STON2: variants seen among roughly 807,000 people sequenced by gnomAD.
STON2 encodes stonin-2.
In STON2, 29 loss-of-function variants were observed where a neutral mutation model predicts 65.7. The observed-to-expected ratio is 0.44, with a 90% CI of 0.33 to 0.60. The LOEUF is 0.60. Among genes scored for constraint, STON2 ranks in the 20% least tolerant of loss-of-function variants. The pLI, the probability that STON2 is intolerant of heterozygous loss-of-function variation, is 0.03. For synonymous variants in STON2, 404 were observed against 414.2 expected (o/e 0.98, Z 0.30); for missense variants, 1,054 against 1,118.1 (o/e 0.94, Z 0.82).
At position 81,277,077 on chromosome 14, in the gene STON2, T is replaced by C. The variant is rs529312848; in HGVS notation, c.2405A>G (p.Glu802Gly). The C allele has an allele frequency of 1.2e-6, 2 of 1,614,076 alleles. No individual in the cohort carries two copies. The highest frequency in any genetic ancestry group is 1.7e-5 in the Admixed American group (1 of 60,002). Residue 802 changes from glutamate (E) to glycine (G), a missense_variant, in exon 6 of 8, where the codon GAA becomes GGA. By Grantham distance (98) the Glu-to-Gly change is moderately conservative (BLOSUM62 -2). Coordinates refer to ENST00000614646, the MANE Select transcript of STON2 (RefSeq NM_001394390.1). Reference protein sequence around the residue: ...PSEWVKNFRRESVLGEKSLKA... With the variant: ...PSEWVKNFRRGSVLGEKSLKA... ...CAAAGACTTTTCCCCCAGGACACTT[T>C]CCCTGCGGAAGTTTTTCACCCACTC... is the stretch of plus-strand genomic sequence containing the variant.
chr14:81,412,584 A>T (rs1901214250), intron 2 of STON2, among the ~76,000 whole-genome samples: 2 of 139,026 alleles, frequency 1.4e-5, no homozygotes, highest in Admixed American at 1.4e-4. Context: ...GGGGCCAGGG[A>T]GGCAGAGAAG....
chr14:81,282,888 A>C (rs1895182108), intron 5 of STON2, among the ~76,000 whole-genome samples: 1 of 152,168 alleles, frequency 6.6e-6, no homozygotes, highest in African/African-American at 2.4e-5. Context: ...AAGCTGGCAA[A>C]TTTCTCCAGT....
chr14:81,283,775 C>T (rs925067199), intron 5 of STON2, among the ~76,000 whole-genome samples: 2 of 152,086 alleles, frequency 1.3e-5, no homozygotes, highest in Non-Finnish European at 2.9e-5. Context: ...ATGATCCGCC[C>T]GCCTCGGCCT....
rs1419682900 is a variant in STON2 at position 81,342,314 on chromosome 14, T to C, written c.572-18127A>G. Among the ~76,000 whole-genome samples the C allele has an allele frequency of 8.5e-5, 13 of 152,060 alleles. No homozygotes were observed. The East Asian group carries it at 2.5e-3, about 29-fold the overall frequency. ...CACGCCCAGCTAATTTTTGTATTTT[T>C]AGTAGAGATGGGGTTTCGCCACATT... On this transcript the variant is annotated intron_variant, in intron 4 of 7. Coordinates refer to ENST00000614646, the MANE Select transcript of STON2 (RefSeq NM_001394390.1).
At position 81,275,733 on chromosome 14, in the gene STON2, C is replaced by T. The variant is rs1894787697; in HGVS notation, c.2581+1168G>A. ...GCATAGCTACACCCAGTGTCTGATA[C>T]AGAATGCCCTGGTGTGTGTCCACTC... On this transcript the variant is annotated intron_variant, in intron 6 of 7. Coordinates refer to ENST00000614646, the MANE Select transcript of STON2 (RefSeq NM_001394390.1). 2.0e-5 allele frequency among the ~76,000 whole-genome samples: 3 copies of T among 152,174 alleles called. 1 individual carries two copies. In the South Asian group the frequency reaches 6.2e-4, roughly 32 times the overall value.
At chr14:81,324,853 T>A (rs1343015956) in intron 4 of STON2, among the ~76,000 whole-genome samples, 1 of 152,170 alleles carries the variant, frequency 6.6e-6, no homozygotes, top group Non-Finnish European at 1.5e-5. Flanking sequence ...GGAGGAAGCA[T>A]GGGTGTTCAT....
chr14:81,421,777 T>C (rs949478008), intron 2 of STON2, among the ~76,000 whole-genome samples: 1 of 152,116 alleles, frequency 6.6e-6, no homozygotes, highest in Non-Finnish European at 1.5e-5. Context: ...GCCCAGTGAT[T>C]TGATGGGCCC....
rs548146583 is a variant in STON2 at position 81,301,181 on chromosome 14, GA to G, written c.743-22443del. Among the ~76,000 whole-genome samples the G allele has an allele frequency of 1.4e-3, 214 of 151,986 alleles. 1 individual carries two copies. The highest frequency in any genetic ancestry group is 4.9e-3 in the African/African-American group (203 of 41,444). ...TTTAATAATAGAAATAATTAATAGAGAAAAAATAATATCTAAGATTATATTC... is the reference window on the plus strand; with the variant it reads ...TTTAATAATAGAAATAATTAATAGAGAAAAATAATATCTAAGATTATATTC... On this transcript the variant is annotated intron_variant, in intron 5 of 7. Transcript: ENST00000614646.
In STON2 at chr14:81,261,245, A is replaced by C. The variant is rs1443004303; in HGVS notation, c.*7169T>G. On this transcript the variant is annotated 3_prime_UTR_variant, in exon 8 of 8. Transcript: ENST00000614646. Reference sequence around the variant, plus strand: ...ACCACTGGGGTTGCTGATCCAAAGCACATGGAGGCGCAACAGTGCTTAAGG... The same window carrying C: ...ACCACTGGGGTTGCTGATCCAAAGCCCATGGAGGCGCAACAGTGCTTAAGG... 1 of 152,238 alleles carries C rather than the reference A, an allele frequency of 6.6e-6. No individual in the cohort carries two copies. The highest frequency in any genetic ancestry group is 2.1e-4 in the South Asian group (1 of 4,830). 9.4% of individuals were successfully genotyped at this position (152,238 alleles called of 1,614,324 possible). A position where few individuals can be genotyped will look rare whatever the true frequency, so the allele number is the denominator to read the frequency against.
chr14:81,427,557 G>A (rs1239875997), intron 1 of STON2, among the ~76,000 whole-genome samples: 1 of 152,176 alleles, frequency 6.6e-6, no homozygotes, highest in Non-Finnish European at 1.5e-5. Flanking sequence ...TGGCACAGCT[G>A]GAGGAGCTGG....
chr14:81,328,659 G>A (rs1280950108), intron 4 of STON2, among the ~76,000 whole-genome samples: 2 of 152,110 alleles, frequency 1.3e-5, no homozygotes, highest in African/African-American at 4.8e-5. Context: ...CCCCAGTGTT[G>A]AAGGGGGGTG....
chr14:81,289,059 G>C (rs1895451580), intron 5 of STON2, among the ~76,000 whole-genome samples: 1 of 152,146 alleles, frequency 6.6e-6, no homozygotes, highest in African/African-American at 2.4e-5. Context: ...CTGCCCACCA[G>C]GTGAACACAC....
At chr14:81,396,446 C>T (rs1900326977) in intron 2 of STON2, among the ~76,000 whole-genome samples, 1 of 152,214 alleles carries the variant, frequency 6.6e-6, no homozygotes, top group Non-Finnish European at 1.5e-5. Context: ...ATGCCAGCAT[C>T]TACTCCAGTG....
At chr14:81,398,231 C>G in intron 2 of STON2, 64 bp downstream of exon 2, 1 of 1,149,788 alleles carries the variant, frequency 8.7e-7, no homozygotes, top group Non-Finnish European at 1.3e-6. Flanking sequence ...CAAGTAGAAG[C>G]CATAACAAAT....
intron 5 of STON2, among the ~76,000 whole-genome samples, chr14:81,316,392 C>T (rs1896620734): frequency 6.6e-6 from 1 of 152,208 alleles, no homozygotes; most frequent in Admixed American, 6.5e-5. Context: ...GGAAATCTCA[C>T]ATTGTTAAAC....
chr14:81,393,703 A>G (rs549769964), intron 3 of STON2, among the ~76,000 whole-genome samples: 5 of 152,370 alleles, frequency 3.3e-5, no homozygotes, highest in African/African-American at 1.2e-4. Flanking sequence ...CAGTAAATGT[A>G]TCATATTAAG....
rs1555398539 is a variant in STON2, at chr14:81,313,808, A to AT, written c.742+10208_742+10209insA. Among the ~76,000 whole-genome samples the AT allele has an allele frequency of 2.0e-3, 161 of 82,524 alleles. 1 individual carries two copies. In the South Asian group the frequency reaches 0.022, roughly 11 times the overall value. The allele number at this position is 82,524 out of a possible 152,430, so 54.1% of individuals were successfully genotyped here. The stretch of plus-strand genomic sequence containing the variant: ...AGACTCCGTCTCAAAAAAAAAAAAA[A>AT]ATACACACACACACACACACACACA... On this transcript the variant is annotated intron_variant, in intron 5 of 7. Transcript: ENST00000614646.
chr14:81,406,807 T>G (rs1462936316), intron 2 of STON2, among the ~76,000 whole-genome samples: 1 of 152,196 alleles, frequency 6.6e-6, no homozygotes. Flanking sequence ...GGTTTCAGTG[T>G]GCACCTGTGC....
intron 1 of STON2, chr14:81,435,949 C>T (rs1227281493): frequency 6.6e-6 from 1 of 152,204 alleles, no homozygotes; most frequent in Non-Finnish European, 1.5e-5. Context: ...AAGCACCGTC[C>T]CCAGGGACAC....
Sources: allele counts gnomAD v4.1 joint callset (sites outside exome capture counted in the v4.1 genomes callset), GRCh38; gene constraint gnomAD v4.1.1; transcripts MANE v1.5; gene names NCBI Gene and HGNC (gene_info 2026-07-23, HGNC 2026-07-21).